NXN: variants seen among roughly 807,000 people sequenced by gnomAD.
NXN encodes the protein nucleoredoxin, also known as nucleoredoxin 1.
Under a neutral mutation model 48.6 loss-of-function variants are expected in NXN, and 16 were observed. That is an observed-to-expected ratio of 0.33 (90% CI 0.22 to 0.50). NXN has a LOEUF of 0.50. Among genes scored for constraint, NXN ranks in the 20% least tolerant of loss-of-function variants. The pLI, the probability that NXN is intolerant of heterozygous loss-of-function variation, is 0.98. For missense variants in NXN, 492 were observed against 605.5 expected (o/e 0.81, Z 1.97); for synonymous variants, 281 against 269.6 (o/e 1.04, Z -0.41).
chr17:824,415 C>A (rs541954500), intron 2 of NXN, among the ~76,000 whole-genome samples: 1 of 152,274 alleles, frequency 6.6e-6, no homozygotes, highest in African/African-American at 2.4e-5. Context: ...AGGGGCAACG[C>A]AAAGATGTAC....
chr17:924,363 C>T (rs1419741120), intron 1 of NXN, among the ~76,000 whole-genome samples: 3 of 152,142 alleles, frequency 2.0e-5, no homozygotes, highest in East Asian at 1.9e-4. Context: ...CAGCCCCCCG[C>T]GTAGGTGGGA....
rs1219950289 is a variant in NXN at position 932,275 on chromosome 17, G to T, written c.360+47044C>A. Among the ~76,000 whole-genome samples, 2 of 152,186 alleles carry T rather than the reference G, an allele frequency of 1.3e-5. No individual in the cohort carries two copies. The highest frequency in any genetic ancestry group is 1.5e-5 in the Non-Finnish European group (1 of 68,036). The stretch of plus-strand genomic sequence containing the variant: ...ACCAACCCAAACCGGCCTTGTTTTG[G>T]TCCTAGGCGGCGGTTCTTAAACTCT... On this transcript the variant is annotated intron_variant, in intron 1 of 7. Transcript: ENST00000336868. This position sits in a 1 kb window ranked among gnomAD's most constrained non-coding sequence, Gnocchi z 4.1.
chr17:876,201 AAAG>A (rs2068213117), intron 1 of NXN, among the ~76,000 whole-genome samples: 1 of 151,694 alleles, frequency 6.6e-6, no homozygotes, highest in African/African-American at 2.4e-5. Flanking sequence ...AAAAAAAAGA[AAAG>A]AAAGAAAAGA....
intron 1 of NXN, among the ~76,000 whole-genome samples, chr17:842,998 GAGAAAGAGAGAAAGAAAGAAAGAA>G (rs1409848809): frequency 0.02 from 2,076 of 104,636 alleles, 23 homozygotes; most frequent in Non-Finnish European, 0.025. Context: ...GAGAGAAAGA[GAGAAAGAGAGAAAGAAAGAAAGAA>G]AGAAAGAAAG....
chr17:886,408 T>C (rs1041139965), intron 1 of NXN, among the ~76,000 whole-genome samples: 3 of 152,214 alleles, frequency 2.0e-5, no homozygotes, highest in Admixed American at 6.6e-5. Flanking sequence ...AGATAGATTC[T>C]GCTGGACACC....
intron 6 of NXN, among the ~76,000 whole-genome samples, chr17:804,797 G>A (rs1911395680): frequency 6.6e-6 from 1 of 152,222 alleles, no homozygotes; most frequent in African/African-American, 2.4e-5. Flanking sequence ...GTCTGCGCAT[G>A]GGGGCCCCGA....
chr17:895,722 G>A (rs534030538), intron 1 of NXN, among the ~76,000 whole-genome samples: 3 of 150,308 alleles, frequency 2.0e-5, no homozygotes, highest in Non-Finnish European at 4.4e-5. Context: ...GGAGGCTGAG[G>A]CAGGGGAATG....
chr17:877,007 T>C (rs1332090168), intron 1 of NXN, among the ~76,000 whole-genome samples: 2 of 150,252 alleles, frequency 1.3e-5, no homozygotes, highest in Admixed American at 6.7e-5. Context: ...TTAAACCCAG[T>C]AGGCAGAGGT....
intron 1 of NXN, among the ~76,000 whole-genome samples, chr17:835,090 C>T (rs1050877216): frequency 1.3e-4 from 19 of 151,394 alleles, no homozygotes; most frequent in East Asian, 2.0e-4. Context: ...GGGCGGATCA[C>T]AAGGTCAGGA....
chr17:843,909 C>T (rs559009031), intron 1 of NXN, among the ~76,000 whole-genome samples: 93 of 152,276 alleles, frequency 6.1e-4, no homozygotes, highest in African/African-American at 2.0e-3. Flanking sequence ...TTCCAGAACC[C>T]GTGAGACTAA....
intron 1 of NXN, among the ~76,000 whole-genome samples, chr17:888,869 C>G (rs2467254): frequency 4.4e-4 from 66 of 151,436 alleles, no homozygotes; most frequent in Non-Finnish European, 8.5e-4. Context: ...GCAGGAGAAT[C>G]ACTTGAACCC....
At chr17:961,005 C>T (rs963250231) in intron 1 of NXN, among the ~76,000 whole-genome samples, 1 of 151,146 alleles carries the variant, frequency 6.6e-6, no homozygotes, top group Admixed American at 6.6e-5. Flanking sequence ...AGGATAGTCT[C>T]GATCTCCTGA....
rs576334347 is a variant in NXN, at chr17:963,848, A to T, written c.360+15471T>A. 2.7e-5 allele frequency among the ~76,000 whole-genome samples: 4 copies of T among 150,684 alleles called. No individual in the cohort carries two copies. The Admixed American group carries it at 2.7e-4, about 10-fold the overall frequency. The stretch of plus-strand genomic sequence containing the variant: ...ATCCCAGCACTTTGGGAGGCCGAGG[A>T]GGGCAGATCACGAGGTCAGGAGATC... On this transcript the variant is annotated intron_variant, in intron 1 of 7. Transcript: ENST00000336868.
In NXN at chr17:819,423, GGC is replaced by G. The variant is rs373672507; in HGVS notation, c.820+14_820+15del. 559 of 1,605,248 alleles carry G rather than the reference GGC, an allele frequency of 3.5e-4. No homozygotes were observed. The African/African-American group carries it at 6.1e-3, about 18-fold the overall frequency. On this transcript the variant is annotated intron_variant, in intron 5 of 7. Coordinates refer to ENST00000336868, the MANE Select transcript of NXN (RefSeq NM_022463.5). ...GTTTCCAGGAGCCACACGGAGCCGG[GGC>G]CTGGAGCGCCTACCTTGGATTCCGT...
intron 1 of NXN, among the ~76,000 whole-genome samples, chr17:957,324 A>G (rs934343610): frequency 6.6e-6 from 1 of 151,286 alleles, no homozygotes; most frequent in African/African-American, 2.4e-5. Flanking sequence ...TCTGCACTCT[A>G]AGGAAGCTGA....
chr17:822,352 C>G lies in NXN; in HGVS notation c.713+5G>C. The G allele has an allele frequency of 6.2e-7, 1 of 1,609,328 alleles. No individual in the cohort carries two copies. Among genetic ancestry groups the G allele is most frequent in the Non-Finnish European group, 8.5e-7 (1 of 1,175,804 alleles). The stretch of plus-strand genomic sequence containing the variant: ...AGGGGCCCAGCACTTCACGGCACGA[C>G]TGACCTGTCTGCACTAACGAAGATG... On this transcript the variant is annotated splice_donor_5th_base_variant and intron_variant, in intron 4 of 7. Transcript: ENST00000336868.
intron 1 of NXN, among the ~76,000 whole-genome samples, chr17:887,752 A>G (rs554316677): frequency 2.0e-5 from 3 of 152,184 alleles, no homozygotes; most frequent in Non-Finnish European, 2.9e-5. Context: ...AAAAAGAGAA[A>G]GGCTTTCTAC....
chr17:932,243 C>T lies in NXN; in HGVS notation c.360+47076G>A, dbSNP rs1048315159. On this transcript the variant is annotated intron_variant, in intron 1 of 7. Coordinates refer to ENST00000336868, the MANE Select transcript of NXN (RefSeq NM_022463.5). This position sits in a 1 kb window ranked among gnomAD's most constrained non-coding sequence, Gnocchi z 4.1. Reference sequence around the variant, plus strand: ...CTGATCTGAAGAGTCTGTCTACCTGCCCAGCTACCAACCCAAACCGGCCTT... The same window carrying T: ...CTGATCTGAAGAGTCTGTCTACCTGTCCAGCTACCAACCCAAACCGGCCTT... 2.0e-5 allele frequency among the ~76,000 whole-genome samples: 3 copies of T among 152,316 alleles called. No homozygotes were observed. Among genetic ancestry groups the T allele is most frequent in the African/African-American group, 7.2e-5 (3 of 41,570 alleles).
chr17:820,003 G>A (rs572006062), intron 4 of NXN, among the ~76,000 whole-genome samples: 7 of 152,304 alleles, frequency 4.6e-5, no homozygotes, highest in East Asian at 3.9e-4. Flanking sequence ...CTACTCAAGC[G>A]GCAGAAGCGG....
Sources: gnomAD v4.1 joint callset for allele counts (sites outside exome capture counted in the v4.1 genomes callset) on GRCh38, gnomAD v4.1.1 for gene constraint, Gnocchi (gnomAD v3.1) non-coding constraint, MANE v1.5 for transcripts, NCBI Gene and HGNC (gene_info 2026-07-23, HGNC 2026-07-21) for gene names.